The following ECD variants were observed in gnomAD, a reference collection of about 807,000 sequenced individuals.
The protein encoded by ECD is protein ecdysoneless homolog.
In ECD, 59 loss-of-function variants were observed where a neutral mutation model predicts 77.2. That is an observed-to-expected ratio of 0.76 (90% CI 0.62 to 0.95). The LOEUF (loss-of-function observed/expected upper bound fraction) is 0.95. Among genes scored for constraint, ECD ranks in the 40% least tolerant of loss-of-function variants. The probability of loss-of-function intolerance (pLI) is 0.00; values close to 1 mark genes in which losing one functional copy is unlikely to be tolerated. For synonymous variants in ECD, 233 were observed against 267.4 expected, an observed-to-expected ratio of 0.87 and a Z score of 1.26; for missense variants, 704 against 763.4, an observed-to-expected ratio of 0.92 and a Z score of 0.92.
At chr10:73,146,026 T>C (rs1189152793) in intron 9 of ECD, among the ~76,000 whole-genome samples, 1 of 151,568 alleles carries the variant, frequency 6.6e-6, no homozygotes, top group Non-Finnish European at 1.5e-5. Flanking sequence ...TAAAATTACA[T>C]AGAGGAGGAT....
rs999962133 is a variant in ECD, at chr10:73,163,926, G to C, written c.12C>G (p.Thr4=). The change falls in exon 2 of 14, where the codon ACC becomes ACG. Residue 4 remains threonine, a synonymous_variant. Coordinates refer to ENST00000372979, the MANE Select transcript of ECD (RefSeq NM_007265.3). ...TGTCTTCCATCGTAGCAAGCTTCAT[G>C]GTTTCTTCCATTCTTCTTTGAAAAC... MEE[T]MKLATMEDTV... is the part of the protein sequence containing the mutation. 2 of 1,613,748 alleles carry C rather than the reference G, an allele frequency of 1.2e-6. No individual in the cohort carries two copies. Among genetic ancestry groups the C allele is most frequent in the Non-Finnish European group, 1.7e-6 (2 of 1,179,988 alleles).
At chr10:73,165,779 A>G (rs1196876746) in intron 1 of ECD, among the ~76,000 whole-genome samples, 1 of 150,518 alleles carries the variant, frequency 6.6e-6, no homozygotes, top group Non-Finnish European at 1.5e-5. Context: ...CACTCTAATT[A>G]TACTCTTTTA....
chr10:73,154,432 G>C lies in ECD; in HGVS notation c.607C>G (p.Gln203Glu). 1 of 1,608,516 alleles carries C rather than the reference G, an allele frequency of 6.2e-7. No individual in the cohort carries two copies. Among genetic ancestry groups the C allele is most frequent in the Non-Finnish European group, 8.5e-7 (1 of 1,178,322 alleles). The change falls in exon 6 of 14, where the codon CAG becomes GAG. Residue 203 changes from glutamine to glutamate, a missense_variant. Physicochemically the swap from Gln to Glu is conservative, Grantham distance 29 (BLOSUM62 2). Transcript: ENST00000372979. Reference sequence around the variant, plus strand: ...CAGTGTGCTCGATGAAGTGAGGCCTGAATTTTTTCTGGGTACCTGGGACAG... The same window carrying C: ...CAGTGTGCTCGATGAAGTGAGGCCTCAATTTTTTCTGGGTACCTGGGACAG... ...RRIRGYPEKI[Q>E]ASLHRAHCFL...
Position 73,151,969 on chromosome 10 carries a change from G to T in ECD, c.912+324C>A, listed in dbSNP as rs78028623. On this transcript the variant is annotated intron_variant, in intron 7 of 13. Transcript: ENST00000372979. ...CTGGTTTCAAGTCATGCATAGAAAG[G>T]CCTTTCCTATTCAAATTATAAAAGG... Among the ~76,000 whole-genome samples, 89 of 152,062 alleles carry T rather than the reference G, an allele frequency of 5.9e-4. 1 individual carries two copies. The highest frequency in any genetic ancestry group is 2.0e-3 in the African/African-American group (84 of 41,498).
intron 2 of ECD, 131 bp downstream of exon 2, chr10:73,163,602 T>C (rs551792248): frequency 2.6e-6 from 2 of 765,226 alleles, no homozygotes; most frequent in Admixed American, 2.9e-5. Flanking sequence ...TAGACAAGTA[T>C]TACTCATCTA....
intron 9 of ECD, among the ~76,000 whole-genome samples, chr10:73,142,707 C>T (rs1843074913): frequency 6.6e-6 from 1 of 151,886 alleles, no homozygotes; most frequent in South Asian, 2.1e-4. Flanking sequence ...CCATCCCAAT[C>T]CATTGTCTTG....
rs547592494 is a variant in ECD at position 73,160,571 on chromosome 10, A to C, written c.206-20T>G. ...CACCTCCTAAAAACAAGAGAAAAGC[A>C]ACCATGTAACCAGATAAATTTGTTA... On this transcript the variant is annotated intron_variant, in intron 2 of 13. Transcript: ENST00000372979. The C allele has an allele frequency of 4.4e-5, 67 of 1,529,068 alleles. No individual in the cohort carries two copies. In the East Asian group the frequency reaches 1.4e-3, roughly 33 times the overall value. 94.7% of individuals were successfully genotyped at this position (1,529,068 alleles called of 1,614,324 possible). A position where few individuals can be genotyped will look rare whatever the true frequency, so the allele number is the denominator to read the frequency against.
chr10:73,166,010 A>G (rs1381523488), intron 1 of ECD, among the ~76,000 whole-genome samples: 1 of 152,048 alleles, frequency 6.6e-6, no homozygotes, highest in African/African-American at 2.4e-5. Flanking sequence ...TCTACTTGCT[A>G]TCTCCATGAG....
At chr10:73,143,652 C>T (rs1843086722) in intron 9 of ECD, among the ~76,000 whole-genome samples, 1 of 151,798 alleles carries the variant, frequency 6.6e-6, no homozygotes, top group Non-Finnish European at 1.5e-5. Context: ...AATGGGGTAT[C>T]CATCCTCTCA....
intron 7 of ECD, among the ~76,000 whole-genome samples, chr10:73,151,449 C>T (rs560382447): frequency 2.0e-5 from 3 of 151,596 alleles, no homozygotes; most frequent in Non-Finnish European, 4.4e-5. Context: ...ATGGGTGCAG[C>T]ACACCAACAT....
At chr10:73,142,632 CAAAAAA>C (rs35853120) in intron 9 of ECD, among the ~76,000 whole-genome samples, 19,289 of 73,796 alleles carry the variant, frequency 0.26, 2,145 homozygotes, top group East Asian at 0.43. Flanking sequence ...GACTCCATCT[CAAAAAA>C]AAAAAAAAAA....
intron 9 of ECD, among the ~76,000 whole-genome samples, chr10:73,144,487 C>A (rs945789437): frequency 3.9e-5 from 6 of 151,904 alleles, no homozygotes; most frequent in Non-Finnish European, 7.4e-5. Context: ...GAGACTCTAT[C>A]TCAAATAATA....
intron 7 of ECD, among the ~76,000 whole-genome samples, chr10:73,151,216 GT>G (rs1843197817): frequency 6.6e-6 from 1 of 152,046 alleles, no homozygotes; most frequent in Admixed American, 6.6e-5. Flanking sequence ...ATGAGTTCAT[GT>G]CCTTTGTAGG....
chr10:73,134,733 A>G lies in ECD; in HGVS notation c.1785T>C (p.Asp595=). 1 of 1,614,196 alleles carries G rather than the reference A, an allele frequency of 6.2e-7. No homozygotes were observed. Among genetic ancestry groups the G allele is most frequent in the African/African-American group, 1.3e-5 (1 of 75,030 alleles). The change falls in exon 14 of 14, where the codon GAT becomes GAC. Residue 595 remains aspartate (D), a synonymous_variant. Transcript: ENST00000372979. ...TATTTGAAACCAGGTTCAGGTCTAC[A>G]TCTACTGGTGCCATAACAGATTCTC... ...GTGESVMAPV[D]VDLNLVSNIL...
chr10:73,152,536 T>C lies in ECD; in HGVS notation c.784-115A>G, dbSNP rs891976474. ...TTATAAGCTTCATATTCATATGAAATGCAAAGAAGATTCAACCTATTCATT... is the reference window on the plus strand; with the variant it reads ...TTATAAGCTTCATATTCATATGAAACGCAAAGAAGATTCAACCTATTCATT... On this transcript the variant is annotated intron_variant, in intron 6 of 13. Transcript: ENST00000372979. 25 of 1,211,014 alleles carry C rather than the reference T, an allele frequency of 2.1e-5. No individual in the cohort carries two copies. In the Admixed American group the frequency reaches 3.7e-4, roughly 18 times the overall value. 75.0% of individuals were successfully genotyped at this position (1,211,014 alleles called of 1,614,324 possible).
At chr10:73,153,725 CAAAAAAAAAAAA>C (rs201711578) in intron 6 of ECD, among the ~76,000 whole-genome samples, 1 of 41,336 alleles carries the variant, frequency 2.4e-5, no homozygotes, top group Non-Finnish European at 6.1e-5. Flanking sequence ...GACTCTGTCT[CAAAAAAAAAAAA>C]AAAAAAAAAA....
intron 7 of ECD, 27 bp downstream of exon 7, chr10:73,152,266 A>T: frequency 6.2e-7 from 1 of 1,606,642 alleles, no homozygotes; most frequent in Non-Finnish European, 8.5e-7. Flanking sequence ...TAAAGAAAGG[A>T]AACAACATTT....
chr10:73,139,846 AG>A, intron 9 of ECD, 109 bp from the exon 10 acceptor site: 4 of 471,980 alleles, frequency 8.5e-6, no homozygotes, highest in South Asian at 6.8e-5. Context: ...TAATTTGGGG[AG>A]TGTTTTTTTT....
intron 9 of ECD, among the ~76,000 whole-genome samples, chr10:73,140,446 T>C (rs2133249914): frequency 6.7e-6 from 1 of 149,804 alleles, no homozygotes; most frequent in East Asian, 2.1e-4. Context: ...CCCAGCACTT[T>C]GGGAGGCCAA....
Sources: allele counts gnomAD v4.1 joint callset (sites outside exome capture counted in the v4.1 genomes callset), GRCh38; gene constraint gnomAD v4.1.1; transcripts MANE v1.5; gene names NCBI Gene and HGNC (gene_info 2026-07-23, HGNC 2026-07-21).